PTPRT: variants seen among roughly 807,000 people sequenced by gnomAD.
PTPRT encodes the protein protein tyrosine phosphatase receptor type T.
In PTPRT, 56 loss-of-function variants were observed where a neutral mutation model predicts 176.8. The ratio of observed to expected loss-of-function variants is 0.32; its 90% CI spans 0.26 to 0.40. PTPRT has a LOEUF of 0.40. Ranked by LOEUF, PTPRT falls within the 10% of genes least tolerant of loss-of-function variation. The pLI is 1.00. For missense variants in PTPRT, 1,540 were observed against 1,908.2 expected (o/e 0.81, Z 3.60); for synonymous variants, 783 against 739.0 (o/e 1.06, Z -0.96).
At chr20:42,941,460 C>G (rs1044691521) in intron 1 of PTPRT, among the ~76,000 whole-genome samples, 1 of 152,142 alleles carries the variant, frequency 6.6e-6, no homozygotes, top group African/African-American at 2.4e-5. Flanking sequence ...ATTGTCTTGC[C>G]TCTTCCCTAC....
chr20:42,844,260 T>G (rs2078329621), intron 2 of PTPRT, among the ~76,000 whole-genome samples: 1 of 152,220 alleles, frequency 6.6e-6, no homozygotes, highest in African/African-American at 2.4e-5. Context: ...CATAGTGTTT[T>G]TCAAATCTTT....
chr20:43,183,479 A>C (rs776338185), intron 1 of PTPRT, among the ~76,000 whole-genome samples: 2 of 152,234 alleles, frequency 1.3e-5, no homozygotes, highest in Non-Finnish European at 2.9e-5. Flanking sequence ...AGATTTACAC[A>C]TAAGTCTAAC....
intron 1 of PTPRT, among the ~76,000 whole-genome samples, chr20:43,035,454 A>C (rs550525020): frequency 6.6e-6 from 1 of 152,242 alleles, no homozygotes; most frequent in South Asian, 2.1e-4. Flanking sequence ...AAAGACAATA[A>C]AACTTTATTT....
chr20:42,621,344 ACACC>A (rs1464455113), intron 7 of PTPRT, among the ~76,000 whole-genome samples: 1 of 152,184 alleles, frequency 6.6e-6, no homozygotes, highest in Non-Finnish European at 1.5e-5. Flanking sequence ...TCCCTCAAGA[ACACC>A]CATAGCTCTT....
At chr20:42,563,530 A>G (rs915998094) in intron 7 of PTPRT, among the ~76,000 whole-genome samples, 2 of 152,218 alleles carry the variant, frequency 1.3e-5, no homozygotes, top group Non-Finnish European at 2.9e-5. Context: ...TTGTATATAT[A>G]CACAAAGATA....
intron 7 of PTPRT, among the ~76,000 whole-genome samples, chr20:42,560,858 G>A (rs574581413): frequency 6.6e-6 from 1 of 152,228 alleles, no homozygotes; most frequent in East Asian, 1.9e-4. Context: ...AATCCCAGGG[G>A]CTTTAGTGAA....
At chr20:42,536,741 CT>C (rs1267038174) in intron 7 of PTPRT, among the ~76,000 whole-genome samples, 3 of 152,120 alleles carry the variant, frequency 2.0e-5, no homozygotes, top group Non-Finnish European at 4.4e-5. Flanking sequence ...GCTCATTAGA[CT>C]GGCAGAAATG....
intron 1 of PTPRT, 42 bp from the exon 2 acceptor site, chr20:42,885,974 G>C: frequency 6.5e-7 from 1 of 1,530,830 alleles, no homozygotes; most frequent in East Asian, 2.4e-5. Flanking sequence ...TCCCGTGTCT[G>C]AGGCTTGGTT....
At chr20:42,620,463 C>A (rs1346592062) in intron 7 of PTPRT, among the ~76,000 whole-genome samples, 1 of 149,130 alleles carries the variant, frequency 6.7e-6, no homozygotes, top group Non-Finnish European at 1.5e-5. Flanking sequence ...CTGTGGTGGG[C>A]TCCACCCAGT....
chr20:43,075,965 C>T (rs1279370830), intron 1 of PTPRT, among the ~76,000 whole-genome samples: 5 of 152,104 alleles, frequency 3.3e-5, no homozygotes, highest in African/African-American at 1.2e-4. Flanking sequence ...GAATTCTATG[C>T]CTTACAGAGT....
chr20:43,033,996 A>T lies in PTPRT; in HGVS notation c.89-148064T>A, dbSNP rs527838604. On this transcript the variant is annotated intron_variant, in intron 1 of 30. Transcript: ENST00000373187. ...AGTGGGTACTGGCCCCATTTTATAA[A>T]GGGGAAGACTGAGGCTCAGAAGAAT... Among the ~76,000 whole-genome samples, 8 of 152,300 alleles carry T rather than the reference A, an allele frequency of 5.3e-5. No individual in the cohort carries two copies. The East Asian group carries it at 1.5e-3, about 29-fold the overall frequency.
rs150520763 is a variant in PTPRT, at chr20:42,290,303, C to G, written c.2140-7778G>C. ...TTTAATCTCACCCATGCTCCACTTCCCACTCCAGATTAAAATCTGCATGCA... is the reference window on the plus strand; with the variant it reads ...TTTAATCTCACCCATGCTCCACTTCGCACTCCAGATTAAAATCTGCATGCA... On this transcript the variant is annotated intron_variant, in intron 12 of 30. Coordinates refer to ENST00000373187, the MANE Select transcript of PTPRT (RefSeq NM_007050.6). Among the ~76,000 whole-genome samples, 611 of 152,178 alleles carry G rather than the reference C, an allele frequency of 4.0e-3. 2 individuals carry two copies. Among genetic ancestry groups the G allele is most frequent in the Non-Finnish European group, 6.5e-3 (444 of 67,978 alleles).
At chr20:43,054,762 C>T (rs970069504) in intron 1 of PTPRT, among the ~76,000 whole-genome samples, 3 of 152,024 alleles carry the variant, frequency 2.0e-5, no homozygotes, top group Non-Finnish European at 2.9e-5. Flanking sequence ...CACATAAAGG[C>T]AAAATCATAG....
At chr20:42,484,072 C>G (rs754897802) in intron 7 of PTPRT, among the ~76,000 whole-genome samples, 1 of 152,186 alleles carries the variant, frequency 6.6e-6, no homozygotes, top group African/African-American at 2.4e-5. Context: ...TCTTTTCAAC[C>G]CTGGCAGTAG....
chr20:42,083,704 ATAT>A (rs1185576391), intron 29 of PTPRT, among the ~76,000 whole-genome samples: 1 of 152,246 alleles, frequency 6.6e-6, no homozygotes, highest in Non-Finnish European at 1.5e-5. Context: ...AGCTCCAGAA[ATAT>A]TTGTTGTAAG....
chr20:42,652,177 A>G (rs2075045042), intron 7 of PTPRT, among the ~76,000 whole-genome samples: 1 of 152,190 alleles, frequency 6.6e-6, no homozygotes, highest in Non-Finnish European at 1.5e-5. Flanking sequence ...TTTCTATTCT[A>G]TTCAAATGAC....
Position 42,886,898 on chromosome 20 carries a change from G to A in PTPRT, c.89-966C>T, listed in dbSNP as rs79096403. Among the ~76,000 whole-genome samples, 36 of 152,308 alleles carry A rather than the reference G, an allele frequency of 2.4e-4. No homozygotes were observed. The East Asian group carries it at 6.8e-3, about 29-fold the overall frequency. On this transcript the variant is annotated intron_variant, in intron 1 of 30. Transcript: ENST00000373187. The stretch of plus-strand genomic sequence containing the variant: ...GAAGGATGGGAGCATCTCCATGGGC[G>A]GAGGGCAGGAGGAATGGCATTCTGA...
At chr20:42,696,838 G>T (rs1447515501) in intron 6 of PTPRT, among the ~76,000 whole-genome samples, 1 of 152,144 alleles carries the variant, frequency 6.6e-6, no homozygotes, top group African/African-American at 2.4e-5. Flanking sequence ...GTCAGGCCCT[G>T]AGACAACTGT....
At chr20:43,001,749 G>C (rs2146130653) in intron 1 of PTPRT, among the ~76,000 whole-genome samples, 1 of 152,222 alleles carries the variant, frequency 6.6e-6, no homozygotes. Flanking sequence ...ATAGTATTAA[G>C]TTTTACCAAG....
Sources: gnomAD v4.1 joint callset for allele counts (sites outside exome capture counted in the v4.1 genomes callset) on GRCh38, gnomAD v4.1.1 for gene constraint, MANE v1.5 for transcripts, NCBI Gene and HGNC (gene_info 2026-07-23, HGNC 2026-07-21) for gene names.